The following FMN1 variants were observed in gnomAD, a reference collection of about 807,000 sequenced individuals.
FMN1 encodes formin-1.
Under a neutral mutation model 132.4 loss-of-function variants are expected in FMN1, and 110 were observed. The ratio of observed to expected loss-of-function variants is 0.83; its 90% CI spans 0.71 to 0.97. The LOEUF is 0.97. Among genes scored for constraint, FMN1 ranks in the 50% least tolerant of loss-of-function variants. The pLI is 0.00. For synonymous variants in FMN1, 722 were observed against 651.7 expected (o/e 1.11, Z -1.64); for missense variants, 1,792 against 1,705.3 (o/e 1.05, Z -0.90).
rs377447043 is a variant in FMN1, at chr15:32,825,829, C to CT, written c.3929-21498dup. ...TGAGATCTTTAAGCCGGGAGACCGT[C>CT]TCTTATCTTTGCTCGGCACAATATC... On this transcript the variant is annotated intron_variant, in intron 17 of 20. Coordinates refer to ENST00000616417, the MANE Select transcript of FMN1 (RefSeq NM_001277313.2). Among the ~76,000 whole-genome samples the CT allele has an allele frequency of 2.4e-3, 365 of 152,270 alleles. 2 individuals carry two copies. Among genetic ancestry groups the CT allele is most frequent in the African/African-American group, 8.5e-3 (352 of 41,552 alleles).
chr15:33,060,019 T>C (rs2037413244), intron 6 of FMN1, among the ~76,000 whole-genome samples: 1 of 152,332 alleles, frequency 6.6e-6, no homozygotes, highest in African/African-American at 2.4e-5. Context: ...CACAATACAC[T>C]TCACCTCTAG....
intron 9 of FMN1, among the ~76,000 whole-genome samples, chr15:32,953,523 G>A (rs979955701): frequency 6.6e-6 from 1 of 152,170 alleles, no homozygotes; most frequent in Non-Finnish European, 1.5e-5. Context: ...CTCAGCTGGA[G>A]GGAAATCAGG....
intron 4 of FMN1, among the ~76,000 whole-genome samples, chr15:33,129,077 C>T (rs542619100): frequency 6.6e-6 from 1 of 152,144 alleles, no homozygotes; most frequent in Non-Finnish European, 1.5e-5. Context: ...ATTTACAATC[C>T]TCTAGCTAGG....
chr15:33,121,447 G>T (rs1962544100), intron 4 of FMN1, among the ~76,000 whole-genome samples: 1 of 152,184 alleles, frequency 6.6e-6, no homozygotes, highest in African/African-American at 2.4e-5. Context: ...AGTATTACAT[G>T]TAGTTCTATA....
intron 2 of FMN1, among the ~76,000 whole-genome samples, chr15:33,187,629 C>T (rs1220064584): frequency 1.3e-5 from 2 of 152,208 alleles, no homozygotes; most frequent in Non-Finnish European, 2.9e-5. Context: ...ACTGAGAGAG[C>T]TGGGAGAGCA....
At chr15:32,926,777 A>C (rs2060972411) in intron 9 of FMN1, among the ~76,000 whole-genome samples, 1 of 152,084 alleles carries the variant, frequency 6.6e-6, no homozygotes, top group Non-Finnish European at 1.5e-5. Flanking sequence ...TGAAGGGCTG[A>C]CTATATTTAG....
chr15:32,924,524 G>A (rs2060909953), intron 10 of FMN1, among the ~76,000 whole-genome samples: 1 of 152,216 alleles, frequency 6.6e-6, no homozygotes, highest in Non-Finnish European at 1.5e-5. Context: ...AAAGGGCCGT[G>A]TGGTGTCAGA....
At chr15:32,876,324 CT>C (rs2059636753) in intron 16 of FMN1, among the ~76,000 whole-genome samples, 1 of 152,104 alleles carries the variant, frequency 6.6e-6, no homozygotes, top group African/African-American at 2.4e-5. Flanking sequence ...TAAAATATTG[CT>C]GTTAAATGTA....
chr15:32,865,836 CAA>C (rs59592154), intron 16 of FMN1, among the ~76,000 whole-genome samples: 9 of 107,134 alleles, frequency 8.4e-5, no homozygotes, highest in African/African-American at 1.8e-4. Flanking sequence ...AACTCCACCT[CAA>C]AAAAAAAAAA....
intron 18 of FMN1, among the ~76,000 whole-genome samples, chr15:32,802,065 T>C (rs886453302): frequency 4.6e-5 from 7 of 152,262 alleles, no homozygotes; most frequent in Admixed American, 2.0e-4. Flanking sequence ...AGGTCAATCA[T>C]GCGATTTGAA....
intron 16 of FMN1, among the ~76,000 whole-genome samples, chr15:32,872,642 C>G (rs553318999): frequency 2.6e-4 from 39 of 152,350 alleles, no homozygotes; most frequent in Non-Finnish European, 4.3e-4. Flanking sequence ...AGAGGTATTA[C>G]AGCAATGCTG....
In FMN1 at chr15:32,770,890, A is replaced by G. The variant is rs1019702737; in HGVS notation, c.*3420T>C. On this transcript the variant is annotated 3_prime_UTR_variant, in exon 21 of 21. Coordinates refer to ENST00000616417, the MANE Select transcript of FMN1 (RefSeq NM_001277313.2). Reference sequence around the variant, plus strand: ...TGTGTAGAAAGACACCATCATCAACATAAGGATTCAAAAGGCAACTGTTGG... The same window carrying G: ...TGTGTAGAAAGACACCATCATCAACGTAAGGATTCAAAAGGCAACTGTTGG... 6.6e-5 allele frequency: 10 copies of G among 152,050 alleles called. No individual in the cohort carries two copies. The highest frequency in any genetic ancestry group is 1.2e-4 in the Non-Finnish European group (8 of 68,020). The allele number at this position is 152,050 out of a possible 1,614,324, so 9.4% of individuals were successfully genotyped here.
intron 4 of FMN1, chr15:33,150,896 G>T: frequency 9.9e-7 from 1 of 1,011,260 alleles, no homozygotes; most frequent in South Asian, 4.3e-5. Context: ...TAGTGTGATG[G>T]TAAATGAATT....
At chr15:32,881,509 T>A (rs1336403163) in intron 16 of FMN1, among the ~76,000 whole-genome samples, 2 of 152,204 alleles carry the variant, frequency 1.3e-5, no homozygotes, top group Non-Finnish European at 2.9e-5. Flanking sequence ...CAGTCCTTGA[T>A]GAGTGTTCAA....
intron 2 of FMN1, among the ~76,000 whole-genome samples, chr15:33,190,111 G>T (rs922413329): frequency 1.3e-5 from 2 of 152,206 alleles, no homozygotes; most frequent in African/African-American, 4.8e-5. Context: ...TCACAGAGGA[G>T]GAAGACCATT....
At chr15:33,161,935 A>G (rs1035757056) in intron 3 of FMN1, among the ~76,000 whole-genome samples, 4 of 151,700 alleles carry the variant, frequency 2.6e-5, no homozygotes, top group African/African-American at 9.7e-5. Flanking sequence ...AAAAAAGAAA[A>G]AAAAAAAAAG....
intron 5 of FMN1, among the ~76,000 whole-genome samples, chr15:33,081,351 G>A (rs548603954): frequency 6.2e-4 from 95 of 152,200 alleles, no homozygotes; most frequent in African/African-American, 2.0e-3. Flanking sequence ...TTTGGGGTAC[G>A]TGTGATATTT....
intron 19 of FMN1, among the ~76,000 whole-genome samples, chr15:32,782,994 T>A (rs1431359339): frequency 4.2e-4 from 1 of 2,384 alleles, no homozygotes; most frequent in East Asian, 0.014. Flanking sequence ...ACGCTGGGGG[T>A]GGGGAGAGTG....
chr15:32,983,029 G>A (rs191424494), intron 7 of FMN1, among the ~76,000 whole-genome samples: 59 of 151,894 alleles, frequency 3.9e-4, no homozygotes, highest in East Asian at 3.1e-3. Flanking sequence ...ACGTATACAC[G>A]CACACATAGA....
Sources: allele counts gnomAD v4.1 joint callset (sites outside exome capture counted in the v4.1 genomes callset), GRCh38; gene constraint gnomAD v4.1.1; transcripts MANE v1.5; gene names NCBI Gene and HGNC (gene_info 2026-07-23, HGNC 2026-07-21).